The following CALY variants were observed in gnomAD, a reference collection of about 807,000 sequenced individuals.
The protein encoded by CALY is neuron-specific vesicular protein calcyon.
Under a neutral mutation model 20.2 loss-of-function variants are expected in CALY, and 15 were observed. The observed-to-expected ratio is 0.74, with a 90% CI of 0.50 to 1.14. The LOEUF (loss-of-function observed/expected upper bound fraction) is 1.14. Among genes scored for constraint, CALY ranks in the 50% most tolerant of loss-of-function variants. CALY has a pLI of 0.00. For missense variants in CALY, 270 were observed against 304.4 expected, an observed-to-expected ratio of 0.89 and a Z score of 0.84; for synonymous variants, 129 against 131.8, an observed-to-expected ratio of 0.98 and a Z score of 0.15.
At position 133,325,287 on chromosome 10, in the gene CALY, TG is replaced by T. The variant is rs1395479126; in HGVS notation, c.*307del. ...GGGCGCACCACGGCTTCCTGGGAGC[TG>T]CCCCCCACGGGGTCTCTCCTGGGTC... On this transcript the variant is annotated 3_prime_UTR_variant, in exon 6 of 6. Transcript: ENST00000252939. 2.7e-5 allele frequency: 4 copies of T among 149,052 alleles called. No homozygotes were observed. The highest frequency in any genetic ancestry group is 5.9e-5 in the Non-Finnish European group (4 of 67,492). 9.2% of individuals were successfully genotyped at this position (149,052 alleles called of 1,614,324 possible).
chr10:133,326,956 C>A lies in CALY; in HGVS notation c.282G>T (p.Ala94=), dbSNP rs199932152. Residue 94 remains alanine (A), a synonymous_variant, in exon 4 of 6, where the codon GCG becomes GCT. Coordinates refer to ENST00000252939, the MANE Select transcript of CALY (RefSeq NM_015722.4). ...PTARMIAFAM[A]LLGCVLIMYK... is the part of the protein sequence containing the mutation. ...ACATGATCAGCACGCAGCCCAGTAGCGCCATGGCGAAGGCGATCATCCGTG... is the reference window on the plus strand; with the variant it reads ...ACATGATCAGCACGCAGCCCAGTAGAGCCATGGCGAAGGCGATCATCCGTG... 6.2e-7 allele frequency: 1 copy of A among 1,610,674 alleles called. No homozygotes were observed. The highest frequency in any genetic ancestry group is 1.7e-5 in the Admixed American group (1 of 59,750).
intron 1 of CALY, among the ~76,000 whole-genome samples, chr10:133,334,603 G>C (rs1848396329): frequency 1.3e-5 from 2 of 150,732 alleles, no homozygotes; most frequent in African/African-American, 2.5e-5. Context: ...GATCTGAGGG[G>C]CGAAGGATCT....
Position 133,328,893 on chromosome 10 carries a change from A to G in CALY, c.97T>C (p.Leu33=), listed in dbSNP as rs1428646680. The G allele has an allele frequency of 2.6e-6, 4 of 1,549,852 alleles. No individual in the cohort carries two copies. In the East Asian group the frequency reaches 9.7e-5, roughly 38 times the overall value. The change falls in exon 2 of 6, where the codon TTG becomes CTG. Residue 33 remains leucine (L), a synonymous_variant. Coordinates refer to ENST00000252939, the MANE Select transcript of CALY (RefSeq NM_015722.4). The stretch of plus-strand genomic sequence containing the variant: ...GGCGGCTGGAGCTGGCTGATGTCCA[A>G]GGGGCTGATCAGAGGCACACTGTCC... ...AMDSVPLISP[L]DISQLQPPLP... is the part of the protein sequence containing the mutation.
Position 133,326,909 on chromosome 10 carries a change from T to C in CALY, c.329A>G (p.Gln110Arg), listed in dbSNP as rs757530345. 1.2e-6 allele frequency: 2 copies of C among 1,610,208 alleles called. No individual in the cohort carries two copies. Among genetic ancestry groups the C allele is most frequent in the African/African-American group, 1.3e-5 (1 of 75,026 alleles). Residue 110 changes from glutamine to arginine, a missense_variant, in exon 4 of 6, where the codon CAG (glutamine) becomes CGG (arginine). Physicochemically the swap from Gln to Arg is conservative, Grantham distance 43. Coordinates refer to ENST00000252939, the MANE Select transcript of CALY (RefSeq NM_015722.4). ...LIMYKAIWYD[Q>R]FTCPDGFLLR... ...CAGGAAGCCGTCGGGGCAGGTGAAC[T>C]GGTCGTACCAGATGGCCTTGTACAT...
At position 133,325,887 on chromosome 10, in the gene CALY, C is replaced by T; in HGVS notation, c.594G>A (p.Lys198=). The change falls in exon 5 of 6, where the codon AAG becomes AAA. Residue 198 remains lysine (K), a synonymous_variant. Transcript: ENST00000252939. ...ATEPPGKPSA[K]AEKEAARKAA... The stretch of plus-strand genomic sequence containing the variant: ...CCTTCCGCGCCGCCTCCTTCTCCGC[C>T]TTGGCCGACGGCTTCCCGGGGGGTT... 1 of 1,269,066 alleles carries T rather than the reference C, an allele frequency of 7.9e-7. No individual in the cohort carries two copies. Among genetic ancestry groups the T allele is most frequent in the Non-Finnish European group, 9.9e-7 (1 of 1,008,796 alleles). The allele number at this position is 1,269,066 out of a possible 1,614,324, so 78.6% of individuals were successfully genotyped here.
intron 3 of CALY, chr10:133,327,412 C>G (rs143250247): frequency 2.1e-6 from 1 of 487,622 alleles, no homozygotes; most frequent in African/African-American, 2.0e-5. Flanking sequence ...CAGACTGGAA[C>G]GTGAGGCCAG....
At chr10:133,327,797 A>G (rs1280362235) in intron 3 of CALY, 108 bp downstream of exon 3, 1 of 771,904 alleles carries the variant, frequency 1.3e-6, no homozygotes, top group Non-Finnish European at 2.3e-6. Flanking sequence ...CCTCCCTGAG[A>G]GCAAGGGGAC....
intron 1 of CALY, among the ~76,000 whole-genome samples, chr10:133,334,986 C>T (rs560281073): frequency 1.3e-5 from 2 of 152,152 alleles, no homozygotes; most frequent in Admixed American, 1.3e-4. Flanking sequence ...GGGCACTCGG[C>T]GGGCGAGGTT....
rs764120912 is a variant in CALY at position 133,324,348 on chromosome 10, C to T, written c.*1247G>A. The T allele has an allele frequency of 1.1e-4, 51 of 455,886 alleles. 1 individual carries two copies. Among genetic ancestry groups the T allele is most frequent in the South Asian group, 6.2e-5 (4 of 64,534 alleles). 28.2% of individuals were successfully genotyped at this position (455,886 alleles called of 1,614,324 possible). On this transcript the variant is annotated 3_prime_UTR_variant, in exon 6 of 6. Transcript: ENST00000252939. ...GCCCAGTTCACAGGCTTCCTGGGCA[C>T]TGCCGCTGTTCCAAAGCAGGCCAGT... is the stretch of plus-strand genomic sequence containing the variant.
intron 1 of CALY, among the ~76,000 whole-genome samples, chr10:133,331,369 A>C (rs1245347865): frequency 2.6e-5 from 4 of 152,370 alleles, no homozygotes; most frequent in African/African-American, 9.6e-5. Context: ...CTGTGTTTAG[A>C]AACCCCAAAA....
At chr10:133,334,712 G>C (rs1041838730) in intron 1 of CALY, among the ~76,000 whole-genome samples, 3 of 151,938 alleles carry the variant, frequency 2.0e-5, no homozygotes, top group Admixed American at 2.0e-4. Context: ...GAGTGCGGCC[G>C]GTGAACGAGG....
chr10:133,329,864 GTCTGGCGGCTC>G (rs1848274682), intron 1 of CALY, among the ~76,000 whole-genome samples: 1 of 152,222 alleles, frequency 6.6e-6, no homozygotes, highest in South Asian at 2.1e-4. Context: ...TCCTCATTCT[GTCTGGCGGCTC>G]TCTGCCAGAG....
intron 1 of CALY, among the ~76,000 whole-genome samples, chr10:133,333,671 T>C (rs1245452216): frequency 2.0e-5 from 1 of 49,802 alleles, no homozygotes; most frequent in Non-Finnish European, 4.2e-5. Flanking sequence ...CGGAAAGATC[T>C]GAGAGTGGAA....
chr10:133,329,044 C>T, intron 1 of CALY, 35 bp from the exon 2 acceptor site: 1 of 1,491,274 alleles, frequency 6.7e-7, no homozygotes, highest in South Asian at 1.3e-5. Context: ...TGCCCACAGG[C>T]TGCCCCCTGG....
chr10:133,325,917 G>A lies in CALY; in HGVS notation c.564C>T (p.Ala188=). ...CCGACGGCTTCCCGGGGGGTTCGGT[G>A]GCCGCCGCCGCCGCCCCAGCCTGGG... ...GPTQAGAAAA[A]TEPPGKPSAK... The change falls in exon 5 of 6, where the codon GCC becomes GCT. Residue 188 remains alanine, a synonymous_variant. Coordinates refer to ENST00000252939, the MANE Select transcript of CALY (RefSeq NM_015722.4). The A allele has an allele frequency of 7.7e-7, 1 of 1,302,948 alleles. No homozygotes were observed. Among genetic ancestry groups the A allele is most frequent in the South Asian group, 2.4e-5 (1 of 41,632 alleles). The allele number at this position is 1,302,948 out of a possible 1,614,324, so 80.7% of individuals were successfully genotyped here.
At chr10:133,326,253 A>T in intron 4 of CALY, 133 bp from the exon 5 acceptor site, 1 of 1,550,508 alleles carries the variant, frequency 6.4e-7, no homozygotes, top group Non-Finnish European at 8.7e-7. Context: ...GACACCGAAG[A>T]TCAGCCTCCA....
At chr10:133,330,933 A>G (rs1356648486) in intron 1 of CALY, among the ~76,000 whole-genome samples, 1 of 152,242 alleles carries the variant, frequency 6.6e-6, no homozygotes, top group East Asian at 1.9e-4. Context: ...AAGCAGCGTG[A>G]ATCCAGCGAA....
At chr10:133,335,954 C>A (rs1255122286) in intron 1 of CALY, among the ~76,000 whole-genome samples, 1 of 152,188 alleles carries the variant, frequency 6.6e-6, no homozygotes, top group Non-Finnish European at 1.5e-5. Flanking sequence ...GTCGAAAGTC[C>A]ACGGAAGCTC....
At chr10:133,332,826 G>T (rs1011162043) in intron 1 of CALY, among the ~76,000 whole-genome samples, 5 of 152,024 alleles carry the variant, frequency 3.3e-5, no homozygotes, top group African/African-American at 1.2e-4. Context: ...TGTGTAGACG[G>T]AGCAGAGATT....
Sources: gnomAD v4.1 joint callset for allele counts (sites outside exome capture counted in the v4.1 genomes callset) on GRCh38, gnomAD v4.1.1 for gene constraint, MANE v1.5 for transcripts, NCBI Gene and HGNC (gene_info 2026-07-23, HGNC 2026-07-21) for gene names.